TRIM24: variants seen among roughly 807,000 people sequenced by gnomAD.
TRIM24 encodes the protein tripartite motif containing 24, also known as transcription intermediary factor 1-alpha.
Under a neutral mutation model 123.9 loss-of-function variants are expected in TRIM24, and 29 were observed. The ratio of observed to expected loss-of-function variants is 0.23; its 90% CI spans 0.17 to 0.32. TRIM24 has a LOEUF of 0.32. Ranked by LOEUF, TRIM24 falls within the 10% of genes least tolerant of loss-of-function variation. The pLI is 1.00. For synonymous variants in TRIM24, 456 were observed against 461.1 expected (o/e 0.99, Z 0.14); for missense variants, 932 against 1,295.3 (o/e 0.72, Z 4.31).
At chr7:138,535,341 C>T (rs1215030633) in intron 6 of TRIM24, among the ~76,000 whole-genome samples, 1 of 152,226 alleles carries the variant, frequency 6.6e-6, no homozygotes, top group Non-Finnish European at 1.5e-5. Context: ...CATGTTTTTG[C>T]AGTGGCTGGT....
At chr7:138,572,209 T>C (rs939386785) in intron 11 of TRIM24, among the ~76,000 whole-genome samples, 1 of 152,232 alleles carries the variant, frequency 6.6e-6, no homozygotes, top group African/African-American at 2.4e-5. Context: ...AGAATACATA[T>C]ATTTTCTCAT....
At chr7:138,503,705 C>T (rs1796091604) in intron 1 of TRIM24, among the ~76,000 whole-genome samples, 1 of 151,602 alleles carries the variant, frequency 6.6e-6, no homozygotes, top group Non-Finnish European at 1.5e-5. Flanking sequence ...ATACATGTGC[C>T]ATGTTGGTGT....
intron 1 of TRIM24, among the ~76,000 whole-genome samples, chr7:138,479,364 C>A (rs927339627): frequency 6.7e-6 from 1 of 150,096 alleles, no homozygotes; most frequent in Non-Finnish European, 1.5e-5. Context: ...TTTGTCCAAC[C>A]TTTTTTTTTT....
At chr7:138,527,780 G>T (rs529095675) in intron 5 of TRIM24, among the ~76,000 whole-genome samples, 18 of 152,156 alleles carry the variant, frequency 1.2e-4, no homozygotes, top group Non-Finnish European at 2.2e-4. Context: ...TAAGAGTGTT[G>T]CTGGAATCAG....
chr7:138,569,427 T>A (rs934353029), intron 10 of TRIM24, among the ~76,000 whole-genome samples: 3 of 152,236 alleles, frequency 2.0e-5, no homozygotes, highest in Non-Finnish European at 4.4e-5. Flanking sequence ...GGAATACTTT[T>A]CAGATATTAA....
chr7:138,502,668 A>G (rs774448463), intron 1 of TRIM24, among the ~76,000 whole-genome samples: 1 of 152,210 alleles, frequency 6.6e-6, no homozygotes, highest in Non-Finnish European at 1.5e-5. Flanking sequence ...TAGAGTTCTT[A>G]GCTGTGTGAA....
rs1052563067 is a variant in TRIM24, at chr7:138,485,554, C to A, written c.365-18736C>A. Among the ~76,000 whole-genome samples the A allele has an allele frequency of 3.9e-5, 6 of 152,212 alleles. No individual in the cohort carries two copies. The East Asian group carries it at 1.2e-3, about 29-fold the overall frequency. On this transcript the variant is annotated intron_variant, in intron 1 of 18. Transcript: ENST00000343526. ...GTGTGTGATGTTCTCTGCCCTGTGT[C>A]CAAGTGTTCTCATTGTTCAGTTCCC...
intron 2 of TRIM24, among the ~76,000 whole-genome samples, chr7:138,513,692 T>C (rs879455430): frequency 6.6e-6 from 1 of 152,018 alleles, no homozygotes; most frequent in Admixed American, 6.6e-5. Flanking sequence ...ACCTCCAACA[T>C]TGGGGATTAC....
intron 4 of TRIM24, among the ~76,000 whole-genome samples, chr7:138,523,295 A>G (rs1483671591): frequency 3.9e-5 from 6 of 152,244 alleles, no homozygotes; most frequent in Non-Finnish European, 8.8e-5. Context: ...AAATTTTTAC[A>G]TGATATTGGA....
At chr7:138,487,851 G>A (rs1367375293) in intron 1 of TRIM24, among the ~76,000 whole-genome samples, 1 of 152,064 alleles carries the variant, frequency 6.6e-6, no homozygotes, top group South Asian at 2.1e-4. Flanking sequence ...TTATGATGCT[G>A]GCCTCATAAA....
intron 7 of TRIM24, among the ~76,000 whole-genome samples, chr7:138,550,448 A>G (rs924476412): frequency 2.6e-5 from 4 of 152,182 alleles, no homozygotes; most frequent in Admixed American, 1.3e-4. Context: ...AAATTGCCAC[A>G]GGACTAATGT....
intron 15 of TRIM24, 139 bp from the exon 16 acceptor site, chr7:138,580,423 G>A: frequency 9.8e-7 from 1 of 1,021,028 alleles, no homozygotes; most frequent in Non-Finnish European, 1.4e-6. Flanking sequence ...CTAGTGGTAT[G>A]TGGTAAATGC....
At chr7:138,518,103 T>C (rs1489247505) in intron 3 of TRIM24, among the ~76,000 whole-genome samples, 2 of 152,222 alleles carry the variant, frequency 1.3e-5, no homozygotes, top group Non-Finnish European at 2.9e-5. Context: ...AACTTTCAAA[T>C]ATCCTTAGCA....
In TRIM24 at chr7:138,535,192, ATT is replaced by A. The variant is rs1796841184; in HGVS notation, c.997-3464_997-3463del. Among the ~76,000 whole-genome samples the A allele has an allele frequency of 5.3e-5, 8 of 152,278 alleles. No homozygotes were observed. The South Asian group carries it at 1.7e-3, about 32-fold the overall frequency. On this transcript the variant is annotated intron_variant, in intron 6 of 18. Transcript: ENST00000343526. ...CCAATTTGTCAGTCTGTGTGTTTTA[ATT>A]GGAGCATTTAGCCCATTTACATTTA...
rs533982813 is a variant in TRIM24, at chr7:138,517,879, G to A, written c.632-1310G>A. ...CTCTTTCTCTCTTGCTTTCTCTCTC[G>A]CATTTATTAAATTGTCAAAGGTGAA... On this transcript the variant is annotated intron_variant, in intron 3 of 18. Coordinates refer to ENST00000343526, the MANE Select transcript of TRIM24 (RefSeq NM_015905.3). Among the ~76,000 whole-genome samples the A allele has an allele frequency of 9.2e-5, 14 of 152,020 alleles. 1 individual carries two copies. In the South Asian group the frequency reaches 2.5e-3, roughly 27 times the overall value.
intron 1 of TRIM24, among the ~76,000 whole-genome samples, chr7:138,504,034 A>C (rs1796096501): frequency 6.6e-6 from 1 of 152,222 alleles, no homozygotes. Context: ...CAGTAAAAGC[A>C]TTTAGCCCAT....
intron 3 of TRIM24, among the ~76,000 whole-genome samples, chr7:138,517,625 T>C (rs1463124984): frequency 6.6e-6 from 1 of 152,140 alleles, no homozygotes; most frequent in African/African-American, 2.4e-5. Context: ...CCACCCGCCT[T>C]GGGCTCCCAA....
At chr7:138,544,313 C>T (rs986675763) in intron 7 of TRIM24, among the ~76,000 whole-genome samples, 6 of 152,208 alleles carry the variant, frequency 3.9e-5, no homozygotes, top group African/African-American at 1.4e-4. Flanking sequence ...ACCATAGTGT[C>T]CTCAAGGTTC....
At chr7:138,513,819 A>T (rs1240422222) in intron 2 of TRIM24, among the ~76,000 whole-genome samples, 1 of 152,194 alleles carries the variant, frequency 6.6e-6, no homozygotes, top group African/African-American at 2.4e-5. Context: ...TTATGTACTA[A>T]CAATCTCTCC....
Sources: gnomAD v4.1 joint callset for allele counts (sites outside exome capture counted in the v4.1 genomes callset) on GRCh38, gnomAD v4.1.1 for gene constraint, MANE v1.5 for transcripts, NCBI Gene and HGNC (gene_info 2026-07-23, HGNC 2026-07-21) for gene names.